CNTN5: variants seen among roughly 807,000 people sequenced by gnomAD.
CNTN5 encodes the protein contactin 5, also known as contactin-5.
In CNTN5, 77 loss-of-function variants were observed where a neutral mutation model predicts 129.1. That is an observed-to-expected ratio of 0.60 (90% CI 0.50 to 0.72). CNTN5 has a LOEUF of 0.72. Ranked by LOEUF, CNTN5 falls within the 30% of genes least tolerant of loss-of-function variation. The pLI is 0.00. For synonymous variants in CNTN5, 509 were observed against 465.6 expected (o/e 1.09, Z -1.20); for missense variants, 1,478 against 1,328.8 (o/e 1.11, Z -1.75).
At position 99,731,221 on chromosome 11, in the gene CNTN5, C is replaced by A. The variant is rs573566755; in HGVS notation, c.56-88323C>A. 2.0e-5 allele frequency among the ~76,000 whole-genome samples: 3 copies of A among 152,148 alleles called. No individual in the cohort carries two copies. The East Asian group carries it at 5.8e-4, about 30-fold the overall frequency. The stretch of plus-strand genomic sequence containing the variant: ...CTTCCGGGTTCACGCCATTCTCCTG[C>A]CTCAGCCTCCCGAGTAGCTGGGACT... On this transcript the variant is annotated intron_variant, in intron 3 of 24. Transcript: ENST00000524871.
intron 13 of CNTN5, among the ~76,000 whole-genome samples, chr11:100,168,078 A>C (rs143472974): frequency 3.2e-3 from 480 of 152,010 alleles, no homozygotes; most frequent in Non-Finnish European, 5.8e-3. Context: ...AGTTTGACAG[A>C]GGTGAGGAAG....
intron 6 of CNTN5, among the ~76,000 whole-genome samples, chr11:99,909,956 TATA>T (rs1359092936): frequency 2.7e-5 from 4 of 149,420 alleles, no homozygotes; most frequent in Non-Finnish European, 4.5e-5. Context: ...AAACTTAAAG[TATA>T]ATAATAATAA....
intron 13 of CNTN5, among the ~76,000 whole-genome samples, chr11:100,164,284 G>A (rs913132341): frequency 6.6e-6 from 1 of 151,766 alleles, no homozygotes; most frequent in Non-Finnish European, 1.5e-5. Context: ...AGTTAATAAT[G>A]TATACTTTTA....
chr11:99,870,671 C>T (rs1340696191), intron 6 of CNTN5, among the ~76,000 whole-genome samples: 1 of 152,006 alleles, frequency 6.6e-6, no homozygotes, highest in Non-Finnish European at 1.5e-5. Context: ...GCAATGTTTT[C>T]CCTAGCTTTT....
Position 100,272,729 on chromosome 11 carries a change from C to T in CNTN5, c.2314+1488C>T, listed in dbSNP as rs1486014882. Among the ~76,000 whole-genome samples, 5 of 152,182 alleles carry T rather than the reference C, an allele frequency of 3.3e-5. No individual in the cohort carries two copies. In the South Asian group the frequency reaches 6.2e-4, roughly 19 times the overall value. On this transcript the variant is annotated intron_variant, in intron 18 of 24. Coordinates refer to ENST00000524871, the MANE Select transcript of CNTN5 (RefSeq NM_014361.4). The stretch of plus-strand genomic sequence containing the variant: ...GACCCCTACGCGGGGCTACAGCACA[C>T]CCGGATTTATTTCTGGCCCCCAACA...
chr11:100,034,167 T>C (rs997060122), intron 9 of CNTN5, among the ~76,000 whole-genome samples: 1 of 152,216 alleles, frequency 6.6e-6, no homozygotes. Flanking sequence ...TTTTAACTTC[T>C]GTATACCTCA....
chr11:100,161,268 C>T (rs1947436136), intron 13 of CNTN5, among the ~76,000 whole-genome samples: 1 of 151,668 alleles, frequency 6.6e-6, no homozygotes, highest in African/African-American at 2.4e-5. Flanking sequence ...TGTGGGGTCC[C>T]CTTGAAGAAG....
intron 8 of CNTN5, 62 bp downstream of exon 8, chr11:99,957,071 AGT>A (rs1277489869): frequency 1.4e-6 from 2 of 1,385,234 alleles, no homozygotes; most frequent in Non-Finnish European, 2.0e-6. Context: ...AAGATGTATT[AGT>A]GTGTGTTTTT....
chr11:99,620,549 G>A (rs1183604040), intron 3 of CNTN5, among the ~76,000 whole-genome samples: 3 of 133,718 alleles, frequency 2.2e-5, no homozygotes, highest in African/African-American at 8.3e-5. Flanking sequence ...TACATGAAAA[G>A]TAAAATGAAT....
At chr11:100,305,939 T>C (rs1426883559) in intron 20 of CNTN5, among the ~76,000 whole-genome samples, 1 of 145,280 alleles carries the variant, frequency 6.9e-6, no homozygotes, top group Non-Finnish European at 1.5e-5. Flanking sequence ...TAACGATAGC[T>C]GATTAGCTAA....
intron 7 of CNTN5, among the ~76,000 whole-genome samples, chr11:99,953,948 T>C (rs529799407): frequency 1.2e-4 from 19 of 152,292 alleles, no homozygotes; most frequent in Admixed American, 3.3e-4. Flanking sequence ...TGCCTAGATT[T>C]TCTTCTAGGG....
chr11:99,635,720 G>C (rs991543707), intron 3 of CNTN5, among the ~76,000 whole-genome samples: 7 of 152,130 alleles, frequency 4.6e-5, no homozygotes, highest in African/African-American at 1.7e-4. Flanking sequence ...GCATCCCTAG[G>C]GAAAATGACA....
At chr11:99,656,976 A>C (rs1952393708) in intron 3 of CNTN5, among the ~76,000 whole-genome samples, 1 of 151,990 alleles carries the variant, frequency 6.6e-6, no homozygotes, top group Admixed American at 6.6e-5. Context: ...TGCATAGTTA[A>C]GTTTGTGGAC....
chr11:99,324,360 A>G (rs1226314365), intron 1 of CNTN5, among the ~76,000 whole-genome samples: 2 of 152,216 alleles, frequency 1.3e-5, no homozygotes, highest in Non-Finnish European at 2.9e-5. Flanking sequence ...GTCAATAAGC[A>G]TAAATGCTCT....
rs563393044 is a variant in CNTN5 at position 99,918,928 on chromosome 11, C to T, written c.673+2779C>T. 2.3e-3 allele frequency among the ~76,000 whole-genome samples: 353 copies of T among 152,226 alleles called. 1 individual carries two copies. Among genetic ancestry groups the T allele is most frequent in the African/African-American group, 6.1e-3 (252 of 41,548 alleles). On this transcript the variant is annotated intron_variant, in intron 7 of 24. Coordinates refer to ENST00000524871, the MANE Select transcript of CNTN5 (RefSeq NM_014361.4). ...TCGCAACAGCTTTTCCTGCTGAAAC[C>T]GCCCTTCCTGCCAGTGTAACCACAT...
At chr11:100,259,551 C>T (rs542493898) in intron 17 of CNTN5, among the ~76,000 whole-genome samples, 9 of 152,098 alleles carry the variant, frequency 5.9e-5, no homozygotes, top group South Asian at 2.1e-4. Flanking sequence ...GGAAGTAAAA[C>T]GCTCCTCAAC....
intron 9 of CNTN5, among the ~76,000 whole-genome samples, chr11:100,034,735 GC>G (rs1941893171): frequency 1.3e-5 from 2 of 152,170 alleles, no homozygotes; most frequent in African/African-American, 4.8e-5. Context: ...TGGTCCACAA[GC>G]TTATATGTTT....
At chr11:99,214,746 T>C (rs1336045821) in intron 1 of CNTN5, among the ~76,000 whole-genome samples, 2 of 152,084 alleles carry the variant, frequency 1.3e-5, no homozygotes, top group Non-Finnish European at 2.9e-5. Flanking sequence ...CACTCAATCT[T>C]CAGACTGACA....
At chr11:100,347,034 C>G (rs1952295897) in intron 23 of CNTN5, among the ~76,000 whole-genome samples, 1 of 152,110 alleles carries the variant, frequency 6.6e-6, no homozygotes, top group South Asian at 2.1e-4. Context: ...CCCCATGATT[C>G]AGTTACCTCC....
Sources: gnomAD v4.1 joint callset for allele counts (sites outside exome capture counted in the v4.1 genomes callset) on GRCh38, gnomAD v4.1.1 for gene constraint, MANE v1.5 for transcripts, NCBI Gene and HGNC (gene_info 2026-07-23, HGNC 2026-07-21) for gene names.